PRAME: variants seen among roughly 807,000 people sequenced by gnomAD.
PRAME encodes melanoma antigen preferentially expressed in tumors.
PRAME carries 21 observed loss-of-function variants against 32.1 expected under a neutral mutation model. That is an observed-to-expected ratio of 0.65 (90% CI 0.46 to 0.94). PRAME has a LOEUF of 0.94. PRAME is among the 40% of genes least tolerant of loss of function. The probability of loss-of-function intolerance (pLI) is 0.00; values close to 1 mark genes in which losing one functional copy is unlikely to be tolerated. For synonymous variants in PRAME, 274 were observed against 251.5 expected (o/e 1.09, Z -0.85); for missense variants, 651 against 622.3 (o/e 1.05, Z -0.49).
chr22:22,548,672 G>A (rs1410202368), intron 5 of PRAME, 29 bp from the exon 6 acceptor site: 3 of 1,525,834 alleles, frequency 2.0e-6, no homozygotes, highest in Admixed American at 1.7e-5. Context: ...GTTAGTGCTG[G>A]GGAATGGTGG....
In PRAME at chr22:22,548,147, C is replaced by T. The variant is rs776527973; in HGVS notation, c.1450G>A (p.Ala484Thr). The change falls in exon 6 of 6, where the codon GCC becomes ACC. Residue 484 changes from alanine (A) to threonine (T), a missense_variant. Physicochemically the swap from Ala to Thr is moderately conservative, Grantham distance 58. Transcript: ENST00000405655. Reference protein sequence around the residue: ...LGRPSMVWLSANPCPHCGDRT... With the variant: ...LGRPSMVWLSTNPCPHCGDRT... ...TCCCCACAGTGAGGACAGGGGTTGGCACTAAGCCAGACCATGCTGGGCCGC... is the reference window on the plus strand; with the variant it reads ...TCCCCACAGTGAGGACAGGGGTTGGTACTAAGCCAGACCATGCTGGGCCGC... 6.2e-7 allele frequency: 1 copy of T among 1,613,836 alleles called. No homozygotes were observed.
rs1425095908 is a variant in PRAME at position 22,552,766 on chromosome 22, A to G, written c.22-1677T>C. The stretch of plus-strand genomic sequence containing the variant: ...TGGCCCGTGGAGACCCTGAGGTGAC[A>G]GTAGAAGGAGGCAGTGGCCATAGCC... On this transcript the variant is annotated intron_variant, in intron 3 of 5. Coordinates refer to ENST00000405655, the MANE Select transcript of PRAME (RefSeq NM_206956.3). 6 of 465,036 alleles carry G rather than the reference A, an allele frequency of 1.3e-5. No homozygotes were observed. In the East Asian group the frequency reaches 2.1e-4, roughly 16 times the overall value. 28.8% of individuals were successfully genotyped at this position (465,036 alleles called of 1,614,324 possible). A position where few individuals can be genotyped will look rare whatever the true frequency, so the allele number is the denominator to read the frequency against.
At position 22,550,839 on chromosome 22, in the gene PRAME, T is replaced by A; in HGVS notation, c.272A>T (p.His91Leu). Reference protein sequence around the residue: ...LPLGVLMKGQHLHLETFKAVL... With the variant: ...LPLGVLMKGQLLHLETFKAVL... ...AGCTTTGAAGGTCTCCAGGTGAAGATGTTGTCCCTTCATCAGCACTCCCAG... is the reference window on the plus strand; with the variant it reads ...AGCTTTGAAGGTCTCCAGGTGAAGAAGTTGTCCCTTCATCAGCACTCCCAG... The change falls in exon 4 of 6, where the codon CAT (histidine) becomes CTT (leucine). Residue 91 changes from histidine to leucine, a missense_variant. Coordinates refer to ENST00000405655, the MANE Select transcript of PRAME (RefSeq NM_206956.3). The A allele has an allele frequency of 6.2e-7, 1 of 1,613,132 alleles. No individual in the cohort carries two copies. The highest frequency in any genetic ancestry group is 1.3e-5 in the African/African-American group (1 of 74,964).
chr22:22,551,352 C>CGA (rs924992982), intron 3 of PRAME, among the ~76,000 whole-genome samples: 1 of 151,926 alleles, frequency 6.6e-6, no homozygotes, highest in African/African-American at 2.4e-5. Context: ...ACCCACTACT[C>CGA]TATTTAATTC....
intron 1 of PRAME, among the ~76,000 whole-genome samples, 159 bp downstream of exon 1, chr22:22,558,812 G>A (rs1025984741): frequency 1.3e-5 from 2 of 151,530 alleles, no homozygotes; most frequent in African/African-American, 4.8e-5. Flanking sequence ...CGGGGTGCAG[G>A]GGCCGGTTCC....
chr22:22,555,275 T>G (rs979687833), intron 3 of PRAME, among the ~76,000 whole-genome samples: 1 of 151,750 alleles, frequency 6.6e-6, no homozygotes, highest in African/African-American at 2.4e-5. Context: ...GTCCTTCAGG[T>G]GTTTTTTTTG....
intron 4 of PRAME, 91 bp downstream of exon 4, chr22:22,550,676 G>T: frequency 7.2e-7 from 1 of 1,388,380 alleles, no homozygotes; most frequent in Non-Finnish European, 9.8e-7. Flanking sequence ...AGAGCCTCTG[G>T]CCCAGCCTTA....
At chr22:22,552,894 T>C (rs1391315745) in intron 3 of PRAME, 1 of 470,776 alleles carries the variant, frequency 2.1e-6, no homozygotes, top group Admixed American at 2.4e-5. Context: ...GTCCCTCCTC[T>C]GGCCCCTCTG....
Position 22,556,800 on chromosome 22 carries a change from G to T in PRAME, c.21+12C>A. The T allele has an allele frequency of 1.2e-6, 2 of 1,612,628 alleles. No homozygotes were observed. The highest frequency in any genetic ancestry group is 4.5e-5 in the East Asian group (2 of 44,780). ...CTCTGAGCACCTCAGACAGCTCAGG[G>T]GACCTTCTTACCCACAAACGCCTTC... On this transcript the variant is annotated intron_variant, in intron 3 of 5. Coordinates refer to ENST00000405655, the MANE Select transcript of PRAME (RefSeq NM_206956.3).
chr22:22,556,986 A>C, intron 2 of PRAME, 77 bp from the exon 3 acceptor site: 2 of 923,374 alleles, frequency 2.2e-6, no homozygotes, highest in East Asian at 2.6e-5. Flanking sequence ...TCCTGTGAAA[A>C]CCTCCGCAAA....
At chr22:22,550,636 C>T (rs1484456863) in intron 4 of PRAME, 131 bp downstream of exon 4, 6 of 1,083,222 alleles carry the variant, frequency 5.5e-6, no homozygotes, top group African/African-American at 3.2e-5. Context: ...AGCCCCAAGG[C>T]CTCCCTGAAC....
At position 22,557,536 on chromosome 22, in the gene PRAME, C is replaced by T. The variant is rs2063003858; in HGVS notation, c.-78+9G>A. ...GCGGGGAAGCGGAGGAATCAGGGCTCGAACTTACGTTTTTCCTCAGAGAGT... is the reference window on the plus strand; with the variant it reads ...GCGGGGAAGCGGAGGAATCAGGGCTTGAACTTACGTTTTTCCTCAGAGAGT... On this transcript the variant is annotated intron_variant, in intron 2 of 5. Coordinates refer to ENST00000405655, the MANE Select transcript of PRAME (RefSeq NM_206956.3). The T allele has an allele frequency of 6.6e-6, 1 of 151,896 alleles. No homozygotes were observed. Among genetic ancestry groups the T allele is most frequent in the Non-Finnish European group, 1.5e-5 (1 of 68,440 alleles). The allele number at this position is 151,896 out of a possible 1,614,324, so 9.4% of individuals were successfully genotyped here.
At chr22:22,551,462 G>A (rs1470717082) in intron 3 of PRAME, among the ~76,000 whole-genome samples, 2 of 152,054 alleles carry the variant, frequency 1.3e-5, no homozygotes, top group South Asian at 2.1e-4. Context: ...TCAAATGGGA[G>A]TGTCACATAG....
chr22:22,548,408 C>G lies in PRAME; in HGVS notation c.1189G>C (p.Ala397Pro). 1 of 1,613,478 alleles carries G rather than the reference C, an allele frequency of 6.2e-7. No homozygotes were observed. Among genetic ancestry groups the G allele is most frequent in the Non-Finnish European group, 8.5e-7 (1 of 1,179,934 alleles). The change falls in exon 6 of 6, where the codon GCC (alanine) becomes CCC (proline). Residue 397 changes from alanine to proline, a missense_variant. Ala to Pro is a conservative substitution (Grantham distance 27, BLOSUM62 -1). Transcript: ENST00000405655. ...ECGITDDQLL[A>P]LLPSLSHCSQ... ...CAGTGGCTCAGGGAAGGCAGGAGGG[C>G]AAGGAGCTGATCATCCGTGATCCCA...
chr22:22,556,722 A>G (rs1383229800), intron 3 of PRAME, 90 bp downstream of exon 3: 3 of 1,485,722 alleles, frequency 2.0e-6, no homozygotes, highest in Non-Finnish European at 2.8e-6. Flanking sequence ...GAGGGACCTC[A>G]GGATGCAGCT....
rs762430518 is a variant in PRAME at position 22,550,194 on chromosome 22, T to G, written c.485A>C (p.Asp162Ala). 3.7e-6 allele frequency: 6 copies of G among 1,613,814 alleles called. No homozygotes were observed. The highest frequency in any genetic ancestry group is 5.1e-6 in the Non-Finnish European group (6 of 1,179,954). ...AQPMTKKRKV[D>A]GLSTEAEQPF... ...CTGCTCTGCCTCTGTGCTCAAACCATCTACTTTTCGCTTCTTTGTCATGGG... is the reference window on the plus strand; with the variant it reads ...CTGCTCTGCCTCTGTGCTCAAACCAGCTACTTTTCGCTTCTTTGTCATGGG... Residue 162 changes from aspartate to alanine, a missense_variant, in exon 5 of 6, where the codon GAT (aspartate) becomes GCT (alanine). Asp to Ala is a moderately radical substitution (Grantham distance 126). Coordinates refer to ENST00000405655, the MANE Select transcript of PRAME (RefSeq NM_206956.3).
chr22:22,550,930 A>G lies in PRAME; in HGVS notation c.181T>C (p.Phe61Leu). Residue 61 changes from phenylalanine to leucine, a missense_variant, in exon 4 of 6, where the codon TTT becomes CTT. Coordinates refer to ENST00000405655, the MANE Select transcript of PRAME (RefSeq NM_206956.3). Reference protein sequence around the residue: ...ELFPPLFMAAFDGRHSQTLKA... With the variant: ...ELFPPLFMAALDGRHSQTLKA... ...AGGGTCTGGCTGTGTCTCCCGTCAAAGGCTGCCATGAAGAGTGGCGGGAAG... is the reference window on the plus strand; with the variant it reads ...AGGGTCTGGCTGTGTCTCCCGTCAAGGGCTGCCATGAAGAGTGGCGGGAAG... 1 of 1,613,830 alleles carries G rather than the reference A, an allele frequency of 6.2e-7. No homozygotes were observed. The highest frequency in any genetic ancestry group is 1.1e-5 in the South Asian group (1 of 91,074).
At chr22:22,552,617 A>C (rs775080242) in intron 3 of PRAME, among the ~76,000 whole-genome samples, 1 of 152,042 alleles carries the variant, frequency 6.6e-6, no homozygotes, top group Non-Finnish European at 1.5e-5. Context: ...CAATTAAGAA[A>C]TCAATCCAAT....
At position 22,551,068 on chromosome 22, in the gene PRAME, T is replaced by C. The variant is rs1416947796; in HGVS notation, c.43A>G (p.Ile15Val). ...RLWGSIQSRY[I>V]SMSVWTSPRR... The stretch of plus-strand genomic sequence containing the variant: ...GGGCTTGTCCACACACTCATGCTGA[T>C]GTATCGGCTCTGAATGGAACCCTGA... The change falls in exon 4 of 6, where the codon ATC becomes GTC. Residue 15 changes from isoleucine to valine, a missense_variant. Transcript: ENST00000405655. The C allele has an allele frequency of 1.1e-5, 17 of 1,590,370 alleles. No homozygotes were observed. Among genetic ancestry groups the C allele is most frequent in the Non-Finnish European group, 1.3e-5 (15 of 1,164,800 alleles).
Sources: allele counts gnomAD v4.1 joint callset (sites outside exome capture counted in the v4.1 genomes callset), GRCh38; gene constraint gnomAD v4.1.1; transcripts MANE v1.5; gene names NCBI Gene and HGNC (gene_info 2026-07-23, HGNC 2026-07-21).